Variants in HPD observed in about 807,000 individuals in gnomAD.
HPD encodes the protein 4-hydroxyphenylpyruvic acid oxidase.
A neutral mutation model predicts 56.9 loss-of-function variants in HPD; 35 were observed. That is an observed-to-expected ratio of 0.62 (90% CI 0.47 to 0.82). The LOEUF is 0.82. Among genes scored for constraint, HPD ranks in the 40% least tolerant of loss-of-function variants. The probability of loss-of-function intolerance (pLI) is 0.00; values close to 1 mark genes in which losing one functional copy is unlikely to be tolerated. For synonymous variants in HPD, 186 were observed against 200.2 expected (o/e 0.93, Z 0.60); for missense variants, 442 against 506.8 (o/e 0.87, Z 1.23).
rs892595476 is a variant in HPD at position 121,844,621 on chromosome 12, C to T, written c.832-789G>A. 5.9e-5 allele frequency among the ~76,000 whole-genome samples: 9 copies of T among 151,828 alleles called. No individual in the cohort carries two copies. In the South Asian group the frequency reaches 6.2e-4, roughly 11 times the overall value. Reference sequence around the variant, plus strand: ...AAAAAAGGCCGGGCGAGGTGGCTCACGCCTGTAATCCCAGCACATTGGGAG... The same window carrying T: ...AAAAAAGGCCGGGCGAGGTGGCTCATGCCTGTAATCCCAGCACATTGGGAG... On this transcript the variant is annotated intron_variant, in intron 11 of 13. Transcript: ENST00000289004.
chr12:121,847,251 G>A (rs763841828), intron 9 of HPD, 37 bp from the exon 10 acceptor site: 44 of 1,608,406 alleles, frequency 2.7e-5, no homozygotes, highest in South Asian at 5.5e-5. Context: ...TGCTCTGAGC[G>A]CCTCCAGGGA....
chr12:121,840,751 T>C (rs949608826), intron 12 of HPD, among the ~76,000 whole-genome samples: 10 of 151,064 alleles, frequency 6.6e-5, no homozygotes, highest in African/African-American at 2.4e-4. Context: ...AAACATATAG[T>C]GTTGCTTCCT....
chr12:121,843,678 C>A, intron 12 of HPD, 32 bp downstream of exon 12: 1 of 1,613,534 alleles, frequency 6.2e-7, no homozygotes, highest in Non-Finnish European at 8.5e-7. Flanking sequence ...CATACTCCCC[C>A]CACAAGGCTG....
chr12:121,875,464 C>T, the HPD span, among the ~76,000 whole-genome samples: 2 of 138,904 alleles, frequency 1.4e-5, no homozygotes, highest in African/African-American at 5.6e-5. Flanking sequence ...CTCACTGTGT[C>T]ACCTAGACCG....
chr12:121,872,115 C>T, the HPD span, among the ~76,000 whole-genome samples: 2 of 150,348 alleles, frequency 1.3e-5, no homozygotes, highest in African/African-American at 4.9e-5. Context: ...TGGTGGGCAC[C>T]TGTAATCCCA....
intron 11 of HPD, among the ~76,000 whole-genome samples, chr12:121,844,829 C>T (rs1329568655): frequency 2.6e-5 from 4 of 151,328 alleles, no homozygotes; most frequent in Admixed American, 6.6e-5. Context: ...TGCAGTGAGC[C>T]GAGATCGCGT....
Position 121,847,102 on chromosome 12 carries a change from T to G in HPD, c.709A>C (p.Lys237Gln). Reference sequence around the variant, plus strand: ...GGCGCTGGCTCATTGATGGGCATCTTGATGGACTCTTCATAGTTGGCCACC... The same window carrying G: ...GGCGCTGGCTCATTGATGGGCATCTGGATGGACTCTTCATAGTTGGCCACC... The part of the protein sequence containing the change: ...IVVANYEESI[K>Q]MPINEPAPGK... The change falls in exon 10 of 14, where the codon AAG (lysine) becomes CAG (glutamine). Residue 237 changes from lysine to glutamine, a missense_variant. Transcript: ENST00000289004. The G allele has an allele frequency of 6.2e-7, 1 of 1,614,164 alleles. No individual in the cohort carries two copies.
intron 12 of HPD, among the ~76,000 whole-genome samples, chr12:121,841,973 G>A (rs1469874151): frequency 1.3e-5 from 2 of 151,526 alleles, no homozygotes; most frequent in South Asian, 2.1e-4. Flanking sequence ...ATGAGCCACC[G>A]TGCCTGGACT....
chr12:121,859,010 G>A, upstream of HPD: 1 of 662,992 alleles, frequency 1.5e-6, no homozygotes. Flanking sequence ...TCATTGAACA[G>A]GATGGTGTTG....
At chr12:121,851,924 C>T (rs1877801129) in intron 7 of HPD, among the ~76,000 whole-genome samples, 1 of 28,030 alleles carries the variant, frequency 3.6e-5, no homozygotes, top group South Asian at 1.3e-3. Context: ...GGGGTTTCAC[C>T]GTGTTAGCCA....
At chr12:121,854,243 G>A (rs4760102) in intron 7 of HPD, among the ~76,000 whole-genome samples, 68,787 of 151,982 alleles carry the variant, frequency 0.45, 16,193 homozygotes, top group East Asian at 0.76. Flanking sequence ...GCGACAGAGC[G>A]AGACTCCATC....
chr12:121,850,022 G>A (rs1009735158), intron 7 of HPD: 3 of 527,828 alleles, frequency 5.7e-6, no homozygotes, highest in African/African-American at 3.8e-5. Context: ...TGTACCCAGC[G>A]CCAAGCTCAG....
chr12:121,849,845 C>CA, intron 7 of HPD, 55 bp from the exon 8 acceptor site: 1 of 1,174,508 alleles, frequency 8.5e-7, no homozygotes, highest in South Asian at 1.2e-5. Flanking sequence ...CCGCCGAGGA[C>CA]AGAGCACATT....
At chr12:121,843,981 C>T (rs1877492116) in intron 11 of HPD, 149 bp from the exon 12 acceptor site, 2 of 830,528 alleles carry the variant, frequency 2.4e-6, no homozygotes, top group Non-Finnish European at 2.0e-6. Flanking sequence ...CCTTTCTTCT[C>T]TGTCATGGGC....
upstream of HPD, among the ~76,000 whole-genome samples, chr12:121,863,285 G>A (rs1249008632): frequency 6.6e-6 from 1 of 152,038 alleles, no homozygotes; most frequent in African/African-American, 2.4e-5. Context: ...CGCCCAGCCA[G>A]CTCTGCATTT....
At chr12:121,878,458 C>T in the HPD span, among the ~76,000 whole-genome samples, 1 of 152,152 alleles carries the variant, frequency 6.6e-6, no homozygotes, top group Non-Finnish European at 1.5e-5. Context: ...AAGCAATTCT[C>T]CTGCCTCAGC....
chr12:121,865,546 G>A (rs1454350344), upstream of HPD, among the ~76,000 whole-genome samples: 1 of 147,332 alleles, frequency 6.8e-6, no homozygotes, highest in Non-Finnish European at 1.5e-5. Flanking sequence ...TGGGATTACA[G>A]GCATGAGCCA....
rs545913399 is a variant in HPD at position 121,854,719 on chromosome 12, A to G, written c.398T>C (p.Phe133Ser). The change falls in exon 7 of 14, where the codon TTT becomes TCT. Residue 133 changes from phenylalanine to serine, a missense_variant. By Grantham distance (155) the Phe-to-Ser change is radical. Coordinates refer to ENST00000289004, the MANE Select transcript of HPD (RefSeq NM_002150.3). ...VEQDKFGKVK[F>S]AVLQTYGDTT... The stretch of plus-strand genomic sequence containing the variant: ...GGAACTCACCGTCTGCAGCACAGCA[A>G]ACTTCACCTTCCCAAACTTGTCTTG... 234 of 1,613,774 alleles carry G rather than the reference A, an allele frequency of 1.5e-4. 1 individual carries two copies. The South Asian group carries it at 2.4e-3, about 17-fold the overall frequency.
the HPD span, among the ~76,000 whole-genome samples, chr12:121,880,633 A>C: frequency 6.6e-6 from 1 of 152,136 alleles, no homozygotes; most frequent in Non-Finnish European, 1.5e-5. Context: ...AATTACTCTG[A>C]ATTTATATTA....
Sources: allele counts gnomAD v4.1 joint callset (sites outside exome capture counted in the v4.1 genomes callset), GRCh38; gene constraint gnomAD v4.1.1; transcripts MANE v1.5; gene names NCBI Gene and HGNC (gene_info 2026-07-23, HGNC 2026-07-21).